Variants in CEP85L observed in about 807,000 individuals in gnomAD.
The protein encoded by CEP85L is centrosomal protein of 85 kDa-like.
A neutral mutation model predicts 100.3 loss-of-function variants in CEP85L; 60 were observed. The observed-to-expected ratio is 0.60, with a 90% CI of 0.49 to 0.74. CEP85L has a LOEUF of 0.74. Among genes scored for constraint, CEP85L ranks in the 30% least tolerant of loss-of-function variants. CEP85L has a pLI of 0.00. For missense variants in CEP85L, 973 were observed against 936.2 expected, an observed-to-expected ratio of 1.04 and a Z score of -0.51; for synonymous variants, 319 against 322.7, an observed-to-expected ratio of 0.99 and a Z score of 0.12.
At chr6:118,492,836 C>CT (rs1388710165) in intron 5 of CEP85L, among the ~76,000 whole-genome samples, 1 of 152,078 alleles carries the variant, frequency 6.6e-6, no homozygotes, top group Non-Finnish European at 1.5e-5. Context: ...TGTGCAGTAG[C>CT]TAAGGGAGGG....
chr6:118,525,454 T>A (rs116894579), intron 3 of CEP85L, among the ~76,000 whole-genome samples: 1 of 152,166 alleles, frequency 6.6e-6, no homozygotes, highest in African/African-American at 2.4e-5. Context: ...GATGAGCTCC[T>A]TAAGGTAAGG....
chr6:118,556,130 C>T (rs753323236), intron 3 of CEP85L, among the ~76,000 whole-genome samples: 7 of 152,208 alleles, frequency 4.6e-5, no homozygotes, highest in South Asian at 4.1e-4. Context: ...TATGTCTTTA[C>T]GGCAGAAAGA....
At chr6:118,510,507 G>T (rs1427437548) in intron 5 of CEP85L, among the ~76,000 whole-genome samples, 1 of 151,960 alleles carries the variant, frequency 6.6e-6, no homozygotes, top group African/African-American at 2.4e-5. Flanking sequence ...AAAACCATAT[G>T]ACCATAAGGA....
Position 118,481,776 on chromosome 6 carries a change from TA to T in CEP85L, c.1745+2del. Reference sequence around the variant, plus strand: ...TGTAGAAGGATTCAGAAAATTTTCTTACCTCTGAACGGTAGTTACTAACTCC... The same window carrying T: ...TGTAGAAGGATTCAGAAAATTTTCTTCCTCTGAACGGTAGTTACTAACTCC... On this transcript the variant is annotated splice_donor_variant, in intron 8 of 12. Coordinates refer to ENST00000368491, the MANE Select transcript of CEP85L (RefSeq NM_001042475.3). LOFTEE classifies it high-confidence loss of function. 2 of 1,524,628 alleles carry T rather than the reference TA, an allele frequency of 1.3e-6. No homozygotes were observed. Among genetic ancestry groups the T allele is most frequent in the Non-Finnish European group, 1.8e-6 (2 of 1,137,598 alleles). The allele number at this position is 1,524,628 out of a possible 1,614,324, so 94.4% of individuals were successfully genotyped here.
At chr6:118,701,817 C>T (rs953698533) in intron 1 of CEP85L, among the ~76,000 whole-genome samples, 1 of 152,040 alleles carries the variant, frequency 6.6e-6, no homozygotes, top group Admixed American at 6.6e-5. Flanking sequence ...CTGAACCAGT[C>T]ACCAGCAAGG....
intron 3 of CEP85L, among the ~76,000 whole-genome samples, chr6:118,554,907 AGTACAACTTACCAGT>A: frequency 6.6e-6 from 1 of 152,330 alleles, no homozygotes; most frequent in East Asian, 1.9e-4. Flanking sequence ...ATGTGACTGA[AGTACAACTTACCAGT>A]GTCAACGTAG....
At chr6:118,586,788 A>C (rs1171604666) in intron 2 of CEP85L, among the ~76,000 whole-genome samples, 1 of 152,208 alleles carries the variant, frequency 6.6e-6, no homozygotes, top group African/African-American at 2.4e-5. Flanking sequence ...AAATATCAGA[A>C]CTTCTTTTTG....
intron 1 of CEP85L, among the ~76,000 whole-genome samples, chr6:118,649,133 A>G (rs922612838): frequency 1.3e-5 from 2 of 152,178 alleles, no homozygotes; most frequent in East Asian, 3.9e-4. Context: ...ACTTTTTAAA[A>G]CTTAAAATTA....
intron 1 of CEP85L, among the ~76,000 whole-genome samples, chr6:118,637,608 G>A (rs1277056350): frequency 1.3e-5 from 2 of 148,966 alleles, no homozygotes; most frequent in African/African-American, 2.5e-5. Context: ...TCAGCTACCT[G>A]GGAAGCTAAG....
intron 3 of CEP85L, among the ~76,000 whole-genome samples, chr6:118,558,472 T>C (rs922306655): frequency 6.6e-6 from 1 of 152,226 alleles, no homozygotes; most frequent in Admixed American, 6.5e-5. Flanking sequence ...CAGGAACTTA[T>C]GGAAGACACT....
At chr6:118,567,243 GTGTGTGTATA>G (rs1228428335) in intron 2 of CEP85L, among the ~76,000 whole-genome samples, 15 of 31,362 alleles carry the variant, frequency 4.8e-4, no homozygotes, top group African/African-American at 1.3e-3. Flanking sequence ...GTGTGTGTGT[GTGTGTGTATA>G]TATATATATA....
chr6:118,487,553 A>T (rs1040168040), intron 6 of CEP85L, among the ~76,000 whole-genome samples: 2 of 152,222 alleles, frequency 1.3e-5, no homozygotes, highest in Non-Finnish European at 2.9e-5. Flanking sequence ...AGCCACATGG[A>T]AGCAATTAAG....
At chr6:118,704,403 G>A (rs1583275591) in intron 1 of CEP85L, among the ~76,000 whole-genome samples, 1 of 152,188 alleles carries the variant, frequency 6.6e-6, no homozygotes, top group South Asian at 2.1e-4. Flanking sequence ...TTTGTTCTGG[G>A]CCCCTTGCCT....
At chr6:118,595,151 A>G (rs966966087) in intron 2 of CEP85L, among the ~76,000 whole-genome samples, 10 of 152,158 alleles carry the variant, frequency 6.6e-5, no homozygotes, top group African/African-American at 2.4e-4. Context: ...CCTCAAACTA[A>G]TATCTGTGGC....
intron 2 of CEP85L, among the ~76,000 whole-genome samples, chr6:118,624,650 T>C (rs1381932311): frequency 6.6e-6 from 1 of 152,228 alleles, no homozygotes. Flanking sequence ...AGGAATGTTA[T>C]AGTGCTGCTT....
chr6:118,691,665 G>A (rs1189307230), intron 1 of CEP85L, among the ~76,000 whole-genome samples: 2 of 151,546 alleles, frequency 1.3e-5, no homozygotes, highest in Admixed American at 6.6e-5. Flanking sequence ...CTTGAACCCC[G>A]GAGGCGGAGG....
intron 1 of CEP85L, among the ~76,000 whole-genome samples, chr6:118,668,244 A>T (rs1397175453): frequency 6.6e-6 from 1 of 152,228 alleles, no homozygotes; most frequent in Admixed American, 6.5e-5. Flanking sequence ...CCCAAAGTTG[A>T]CAGGCATAAA....
At chr6:118,518,370 T>C (rs976269353) in intron 4 of CEP85L, among the ~76,000 whole-genome samples, 2 of 152,236 alleles carry the variant, frequency 1.3e-5, no homozygotes, top group Non-Finnish European at 2.9e-5. Context: ...TGGACTTTTT[T>C]TGGCTGGTGG....
At chr6:118,657,095 C>A (rs1019737146), upstream of CEP85L, 1 of 152,200 alleles carries the variant, frequency 6.6e-6, no homozygotes, top group Non-Finnish European at 1.5e-5. Flanking sequence ...TTAGCATCCG[C>A]TTTCCAGAAA....
Sources: allele counts gnomAD v4.1 joint callset (sites outside exome capture counted in the v4.1 genomes callset), GRCh38; gene constraint gnomAD v4.1.1; transcripts MANE v1.5; gene names NCBI Gene and HGNC (gene_info 2026-07-23, HGNC 2026-07-21).